RTN1: variants seen among roughly 807,000 people sequenced by gnomAD.
The protein encoded by RTN1 is reticulon 1.
Under a neutral mutation model 65.5 loss-of-function variants are expected in RTN1, and 25 were observed. The observed-to-expected ratio is 0.38, with a 90% CI of 0.28 to 0.53. The LOEUF (loss-of-function observed/expected upper bound fraction) is 0.53, where lower values mean the gene tolerates loss of function less well. RTN1 is among the 20% of genes least tolerant of loss of function. The pLI, the probability that RTN1 is intolerant of heterozygous loss-of-function variation, is 0.79. For missense variants in RTN1, 983 were observed against 1,025.4 expected, an observed-to-expected ratio of 0.96 and a Z score of 0.57; for synonymous variants, 471 against 447.6, an observed-to-expected ratio of 1.05 and a Z score of -0.66.
At position 59,746,501 on chromosome 14, in the gene RTN1, C is replaced by T; in HGVS notation, c.242-20G>A. Reference sequence around the variant, plus strand: ...CCACACCTATGAATCAAAGCAGCAGCAGACAGTGAGTGGGTGCTTGGCGTC... The same window carrying T: ...CCACACCTATGAATCAAAGCAGCAGTAGACAGTGAGTGGGTGCTTGGCGTC... On this transcript the variant is annotated intron_variant, in intron 1 of 8. Coordinates refer to ENST00000267484, the MANE Select transcript of RTN1 (RefSeq NM_021136.3). 6.4e-7 allele frequency: 1 copy of T among 1,552,044 alleles called. No homozygotes were observed. Among genetic ancestry groups the T allele is most frequent in the Non-Finnish European group, 8.7e-7 (1 of 1,153,328 alleles).
intron 1 of RTN1, among the ~76,000 whole-genome samples, chr14:59,748,864 A>T (rs1407811331): frequency 6.6e-6 from 1 of 152,024 alleles, no homozygotes; most frequent in South Asian, 2.1e-4. Flanking sequence ...ATCTTGGCTC[A>T]CAGCAACCTC....
chr14:59,748,162 A>C (rs1170638145), intron 1 of RTN1, among the ~76,000 whole-genome samples: 1 of 151,818 alleles, frequency 6.6e-6, no homozygotes, highest in Non-Finnish European at 1.5e-5. Context: ...CCTGGAAGCC[A>C]AGAAACCTCC....
chr14:59,748,782 G>A (rs1236979889), intron 1 of RTN1, among the ~76,000 whole-genome samples: 1 of 151,850 alleles, frequency 6.6e-6, no homozygotes, highest in African/African-American at 2.4e-5. Context: ...GCAAAATAAA[G>A]GAAAGTGATA....
intron 1 of RTN1, among the ~76,000 whole-genome samples, chr14:59,773,237 T>C (rs1885990653): frequency 6.6e-6 from 1 of 152,114 alleles, no homozygotes. Context: ...TTTGAACTCA[T>C]TAGTTATGAA....
intron 3 of RTN1, among the ~76,000 whole-genome samples, chr14:59,631,459 G>A (rs1030915000): frequency 1.3e-5 from 2 of 152,182 alleles, no homozygotes; most frequent in African/African-American, 4.8e-5. Context: ...TTGACCACTG[G>A]GGGGCAATGG....
At chr14:59,805,718 T>C (rs1253267) in intron 1 of RTN1, among the ~76,000 whole-genome samples, 151,141 of 152,288 alleles carry the variant, frequency 0.99, 75,054 homozygotes, top group Middle Eastern at 1. Context: ...AGCTAGATTT[T>C]CCAGATAACT....
At chr14:59,752,648 C>G (rs1885557126) in intron 1 of RTN1, among the ~76,000 whole-genome samples, 1 of 152,146 alleles carries the variant, frequency 6.6e-6, no homozygotes, top group Non-Finnish European at 1.5e-5. Context: ...ATGTTACCTT[C>G]TTCTAACCTG....
At position 59,727,538 on chromosome 14, in the gene RTN1, G is replaced by C; in HGVS notation, c.1146C>G (p.Asp382Glu). 2 of 1,609,660 alleles carry C rather than the reference G, an allele frequency of 1.2e-6. No homozygotes were observed. The highest frequency in any genetic ancestry group is 1.7e-6 in the Non-Finnish European group (2 of 1,178,620). ...CGGACCTGGCCTTGACCTCGGGCCT[G>C]TCGGCCAGCTGGCCCACCGGCCGTG... ...ENPRPVGQLA[D>E]RPEVKARSGP... Residue 382 changes from aspartate (D) to glutamate (E), a missense_variant, in exon 3 of 9, where the codon GAC becomes GAG. By Grantham distance (45) the Asp-to-Glu change is conservative (BLOSUM62 2). This residue lies in a region of RTN1 where 818 missense variants were observed against 801.8 expected (regional missense o/e 1.02). Transcript: ENST00000267484. This position sits in a 1 kb window ranked among gnomAD's most constrained non-coding sequence, Gnocchi z 4.2.
intron 1 of RTN1, among the ~76,000 whole-genome samples, chr14:59,809,827 G>A (rs1003039412): frequency 1.3e-5 from 2 of 152,156 alleles, no homozygotes; most frequent in Admixed American, 6.6e-5. Flanking sequence ...TAGTGAGGTA[G>A]TAAGAGTGTT....
chr14:59,748,507 A>G (rs559441498), intron 1 of RTN1, among the ~76,000 whole-genome samples: 1 of 151,828 alleles, frequency 6.6e-6, no homozygotes, highest in African/African-American at 2.4e-5. Context: ...CTCCATCTCA[A>G]ATTGCAACTT....
At position 59,746,167 on chromosome 14, in the gene RTN1, G is replaced by T. The variant is rs201938675; in HGVS notation, c.556C>A (p.Leu186Met). ...TAGGCCTCTGCTTTCATCTGGTCCAGAGGGTCTGCTAAGATCTTGTTCACT... is the reference window on the plus strand; with the variant it reads ...TAGGCCTCTGCTTTCATCTGGTCCATAGGGTCTGCTAAGATCTTGTTCACT... ...TEVNKILADP[L>M]DQMKAEAYKY... The change falls in exon 2 of 9, where the codon CTG becomes ATG. Residue 186 changes from leucine to methionine, a missense_variant. This residue lies in a region of RTN1 where 818 missense variants were observed against 801.8 expected (regional missense o/e 1.02). Transcript: ENST00000267484. 6.2e-7 allele frequency: 1 copy of T among 1,607,128 alleles called. No individual in the cohort carries two copies. Among genetic ancestry groups the T allele is most frequent in the African/African-American group, 1.3e-5 (1 of 74,580 alleles).
At chr14:59,679,895 G>A (rs1883709591) in intron 3 of RTN1, among the ~76,000 whole-genome samples, 1 of 152,062 alleles carries the variant, frequency 6.6e-6, no homozygotes, top group Non-Finnish European at 1.5e-5. Context: ...AACAGGTTGG[G>A]GGTTGGGGTT....
At chr14:59,659,000 G>A (rs1183096660) in intron 3 of RTN1, among the ~76,000 whole-genome samples, 3 of 152,062 alleles carry the variant, frequency 2.0e-5, no homozygotes, top group Admixed American at 6.6e-5. Context: ...AAGGTTAGAC[G>A]AATTGTTAAC....
intron 3 of RTN1, chr14:59,630,411 G>A (rs1343119276): frequency 3.1e-6 from 5 of 1,612,344 alleles, no homozygotes; most frequent in Non-Finnish European, 4.2e-6. Flanking sequence ...TTTCCCGTGC[G>A]CCTCAGGCAT....
intron 3 of RTN1, among the ~76,000 whole-genome samples, chr14:59,642,591 G>GT (rs1263564148): frequency 1.3e-5 from 2 of 152,094 alleles, no homozygotes; most frequent in African/African-American, 4.8e-5. Flanking sequence ...TGTGTTCAAA[G>GT]TCTTATTAAA....
intron 2 of RTN1, among the ~76,000 whole-genome samples, chr14:59,739,691 T>C (rs1377176205): frequency 2.0e-5 from 3 of 151,624 alleles, no homozygotes; most frequent in Non-Finnish European, 4.4e-5. Flanking sequence ...AAGAGAGAAA[T>C]CATTGACTTG....
intron 1 of RTN1, among the ~76,000 whole-genome samples, chr14:59,818,626 A>T (rs1428577780): frequency 6.6e-6 from 1 of 152,230 alleles, no homozygotes; most frequent in Non-Finnish European, 1.5e-5. Flanking sequence ...TGATGAACAT[A>T]TGAGTCCGTG....
intron 1 of RTN1, among the ~76,000 whole-genome samples, chr14:59,857,060 C>T (rs1271962116): frequency 2.6e-5 from 4 of 152,138 alleles, no homozygotes; most frequent in East Asian, 1.9e-4. Flanking sequence ...TTCTGTACCA[C>T]GTCATCTTGG....
At position 59,700,114 on chromosome 14, in the gene RTN1, A is replaced by T. The variant is rs1884147364; in HGVS notation, c.1765+26805T>A. 2.0e-5 allele frequency among the ~76,000 whole-genome samples: 3 copies of T among 152,330 alleles called. No individual in the cohort carries two copies. The South Asian group carries it at 6.2e-4, about 32-fold the overall frequency. ...TCATTCTGATAAAATTTTATTTTAA[A>T]AAAACAGGTGGTGGCATGACAGCAT... is the stretch of plus-strand genomic sequence containing the variant. On this transcript the variant is annotated intron_variant, in intron 3 of 8. Coordinates refer to ENST00000267484, the MANE Select transcript of RTN1 (RefSeq NM_021136.3).
Sources: gnomAD v4.1 joint callset for allele counts (sites outside exome capture counted in the v4.1 genomes callset) on GRCh38, gnomAD v4.1.1 for gene constraint, gnomAD v4.1.1 regional missense constraint, Gnocchi (gnomAD v3.1) non-coding constraint, MANE v1.5 for transcripts, NCBI Gene and HGNC (gene_info 2026-07-23, HGNC 2026-07-21) for gene names.